PCDHGA7: variants seen among roughly 807,000 people sequenced by gnomAD.
The protein encoded by PCDHGA7 is protocadherin gamma subfamily A, 7.
Under a neutral mutation model 58.3 loss-of-function variants are expected in PCDHGA7, and 44 were observed. That is an observed-to-expected ratio of 0.75 (90% CI 0.59 to 0.97). The LOEUF (loss-of-function observed/expected upper bound fraction) is 0.97. PCDHGA7 is among the 50% of genes least tolerant of loss of function. PCDHGA7 has a pLI of 0.00. For missense variants in PCDHGA7, 1,266 were observed against 1,188.7 expected (o/e 1.06, Z -0.96); for synonymous variants, 516 against 504.2 (o/e 1.02, Z -0.31).
intron 1 of PCDHGA7, chr5:141,427,761 G>A (rs1228905550): frequency 3.7e-6 from 5 of 1,366,246 alleles, no homozygotes; most frequent in Non-Finnish European, 4.1e-6. Flanking sequence ...CGTTACCACT[G>A]ACTTGGAGCT....
At chr5:141,398,746 T>TAC in intron 1 of PCDHGA7, 1 of 1,613,420 alleles carries the variant, frequency 6.2e-7, no homozygotes, top group South Asian at 1.1e-5. Context: ...ACAACAGAGT[T>TAC]ACCATCGTTT....
chr5:141,469,868 C>T (rs749624047), intron 1 of PCDHGA7, among the ~76,000 whole-genome samples: 6 of 152,228 alleles, frequency 3.9e-5, no homozygotes, highest in Non-Finnish European at 7.3e-5. Flanking sequence ...CAATGGCTCA[C>T]GCCTGTAATC....
At chr5:141,391,803 G>A (rs953210867) in intron 1 of PCDHGA7, 5 of 152,172 alleles carry the variant, frequency 3.3e-5, no homozygotes, top group African/African-American at 1.2e-4. Flanking sequence ...TTAGATCAAA[G>A]TGTTAATGTA....
chr5:141,431,768 G>T lies in PCDHGA7; in HGVS notation c.2424+46445G>T. 6.2e-7 allele frequency: 1 copy of T among 1,614,218 alleles called. No individual in the cohort carries two copies. The highest frequency in any genetic ancestry group is 8.5e-7 in the Non-Finnish European group (1 of 1,180,036). On this transcript the variant is annotated intron_variant, in intron 1 of 3. Coordinates refer to ENST00000518325, the MANE Select transcript of PCDHGA7 (RefSeq NM_018920.4). The surrounding 1 kb of genome is among the most constrained non-coding windows in gnomAD (Gnocchi z 4.8). ...TGCGCGAGCCAAAGTCCTGATCACT[G>T]TTCTGGACGTGAACGACAATGCCCC...
chr5:141,392,735 C>G, intron 1 of PCDHGA7: 1 of 1,428,540 alleles, frequency 7.0e-7, no homozygotes, highest in South Asian at 1.5e-5. Context: ...ATTGTCATCT[C>G]CATAGCTGCG....
chr5:141,459,529 G>A (rs1201996126), intron 1 of PCDHGA7, among the ~76,000 whole-genome samples: 2 of 152,134 alleles, frequency 1.3e-5, no homozygotes, highest in African/African-American at 2.4e-5. Context: ...ATTTTTGTAG[G>A]CATATTTTTT....
At chr5:141,449,055 A>T (rs1056298558) in intron 1 of PCDHGA7, among the ~76,000 whole-genome samples, 1 of 152,188 alleles carries the variant, frequency 6.6e-6, no homozygotes, top group Non-Finnish European at 1.5e-5. Context: ...CTCATAAATG[A>T]GCGCTATTGA....
intron 1 of PCDHGA7, among the ~76,000 whole-genome samples, chr5:141,443,690 A>C (rs2098399415): frequency 6.6e-6 from 1 of 152,224 alleles, no homozygotes; most frequent in Non-Finnish European, 1.5e-5. Flanking sequence ...AACACTTCAA[A>C]AATTATAGAA....
At chr5:141,509,908 G>A (rs376035312) in intron 3 of PCDHGA7, among the ~76,000 whole-genome samples, 1 of 152,164 alleles carries the variant, frequency 6.6e-6, no homozygotes, top group African/African-American at 2.4e-5. Flanking sequence ...TCCAGCATGC[G>A]CTTAGGTACA....
chr5:141,490,088 ACCACAC>A lies in PCDHGA7; in HGVS notation c.2425-4718_2425-4713del. On this transcript the variant is annotated intron_variant, in intron 1 of 3. Transcript: ENST00000518325. The surrounding 1 kb of genome is among the most constrained non-coding windows in gnomAD (Gnocchi z 5.4). The stretch of plus-strand genomic sequence containing the variant: ...GGCCAACTAGACTATTCTTTTGGAG[ACCACAC>A]ATCTGAGGCAGTGCGGAACCTCTTT... The A allele has an allele frequency of 6.2e-7, 1 of 1,614,190 alleles. No homozygotes were observed. Among genetic ancestry groups the A allele is most frequent in the Non-Finnish European group, 8.5e-7 (1 of 1,180,004 alleles).
In PCDHGA7 at chr5:141,431,430, G is replaced by A; in HGVS notation, c.2424+46107G>A. ...GACGGGGGCGACCCGGTGCGCACAG[G>A]CACCGCGCGCATCCGCGTGATGGTT... is the stretch of plus-strand genomic sequence containing the variant. On this transcript the variant is annotated intron_variant, in intron 1 of 3. Coordinates refer to ENST00000518325, the MANE Select transcript of PCDHGA7 (RefSeq NM_018920.4). The surrounding 1 kb of genome is among the most constrained non-coding windows in gnomAD (Gnocchi z 4.8). 1 of 1,613,680 alleles carries A rather than the reference G, an allele frequency of 6.2e-7. No individual in the cohort carries two copies. The highest frequency in any genetic ancestry group is 8.5e-7 in the Non-Finnish European group (1 of 1,180,018).
chr5:141,383,573 C>T lies in PCDHGA7; in HGVS notation c.674C>T (p.Thr225Ile). 8.1e-6 allele frequency: 13 copies of T among 1,613,346 alleles called. No homozygotes were observed. Among genetic ancestry groups the T allele is most frequent in the Non-Finnish European group, 1.1e-5 (13 of 1,179,766 alleles). ...SDGGDPPRSS[T>I]AHIQVTVVDV... ...GGCGGCGACCCGCCCCGATCCAGCA[C>T]CGCCCACATCCAGGTGACAGTGGTG... is the stretch of plus-strand genomic sequence containing the variant. Residue 225 changes from threonine (T) to isoleucine (I), a missense_variant, in exon 1 of 4, where the codon ACC becomes ATC. Transcript: ENST00000518325.
chr5:141,496,923 C>T (rs963522127), intron 2 of PCDHGA7, among the ~76,000 whole-genome samples: 9 of 150,728 alleles, frequency 6.0e-5, no homozygotes, highest in East Asian at 1.9e-4. Context: ...CTGTGGTTCA[C>T]GCCTGTAATC....
At chr5:141,481,913 C>CAA (rs34114744) in intron 1 of PCDHGA7, among the ~76,000 whole-genome samples, 26 of 90,736 alleles carry the variant, frequency 2.9e-4, no homozygotes, top group Non-Finnish European at 3.5e-4. Context: ...AACTCCATCT[C>CAA]AAAAAAAAAA....
intron 1 of PCDHGA7, chr5:141,413,967 G>A: frequency 6.2e-7 from 1 of 1,613,428 alleles, no homozygotes; most frequent in Non-Finnish European, 8.5e-7. Context: ...TGGGCACTCA[G>A]CTGCTGACAG....
At position 141,387,719 on chromosome 5, in the gene PCDHGA7, C is replaced by T. The variant is rs953272587; in HGVS notation, c.2424+2396C>T. The T allele has an allele frequency of 4.5e-6, 5 of 1,115,502 alleles. No homozygotes were observed. In the African/African-American group the frequency reaches 4.7e-5, roughly 11 times the overall value. 69.1% of individuals were successfully genotyped at this position (1,115,502 alleles called of 1,614,324 possible). On this transcript the variant is annotated intron_variant, in intron 1 of 3. Transcript: ENST00000518325. The stretch of plus-strand genomic sequence containing the variant: ...TTCCAGGGCAGCCCCAGCTCAGACT[C>T]CCCAGCGCCAGCCTTTACACCGCTT...
chr5:141,394,520 A>G, intron 1 of PCDHGA7: 4 of 1,614,190 alleles, frequency 2.5e-6, no homozygotes, highest in African/African-American at 1.3e-5. Context: ...CCCTCCCCAC[A>G]GACGGTTCCA....
At chr5:141,418,392 T>C (rs753094664) in intron 1 of PCDHGA7, 1 of 1,613,996 alleles carries the variant, frequency 6.2e-7, no homozygotes, top group Non-Finnish European at 8.5e-7. Context: ...AACGAGTATT[T>C]CTCATTGGTG....
rs2099629540 is a variant in PCDHGA7, at chr5:141,486,436, T to C, written c.2425-8371T>C. 2 of 1,614,188 alleles carry C rather than the reference T, an allele frequency of 1.2e-6. No individual in the cohort carries two copies. The highest frequency in any genetic ancestry group is 1.7e-6 in the Non-Finnish European group (2 of 1,180,020). On this transcript the variant is annotated intron_variant, in intron 1 of 3. Coordinates refer to ENST00000518325, the MANE Select transcript of PCDHGA7 (RefSeq NM_018920.4). This position sits in a 1 kb window ranked among gnomAD's most constrained non-coding sequence, Gnocchi z 5.0. ...TGGATCGAGAGGCCAAATCTAGCTA[T>C]GACATCATGGTCACTGCTTCTGATG... is the stretch of plus-strand genomic sequence containing the variant.
Sources: allele counts gnomAD v4.1 joint callset (sites outside exome capture counted in the v4.1 genomes callset), GRCh38; gene constraint gnomAD v4.1.1; non-coding constraint Gnocchi (gnomAD v3.1); transcripts MANE v1.5; gene names NCBI Gene and HGNC (gene_info 2026-07-23, HGNC 2026-07-21).